The following ZNF793 variants were observed in gnomAD, a reference collection of about 807,000 sequenced individuals.
The protein encoded by ZNF793 is zinc finger protein 793.
A neutral mutation model predicts 12.4 loss-of-function variants in ZNF793; 5 were observed. The ratio of observed to expected loss-of-function variants is 0.40; its 90% CI spans 0.21 to 0.84. The LOEUF (loss-of-function observed/expected upper bound fraction) is 0.84, where lower values mean the gene tolerates loss of function less well. ZNF793 is among the 40% of genes least tolerant of loss of function. The pLI, the probability that ZNF793 is intolerant of heterozygous loss-of-function variation, is 0.35. For missense variants in ZNF793, 456 were observed against 495.0 expected (o/e 0.92, Z 0.75); for synonymous variants, 162 against 172.4 (o/e 0.94, Z 0.47).
chr19:37,520,755 G>A (rs767328786), intron 3 of ZNF793, among the ~76,000 whole-genome samples: 49 of 152,074 alleles, frequency 3.2e-4, no homozygotes, highest in Non-Finnish European at 6.8e-4. Flanking sequence ...TTGCTCTCCC[G>A]TCATTTTTGG....
chr19:37,531,368 T>C lies in ZNF793; in HGVS notation c.16-988T>C, dbSNP rs143592461. 7.4e-3 allele frequency: 1,136 copies of C among 153,052 alleles called. 17 individuals are homozygous for C. Among genetic ancestry groups the C allele is most frequent in the African/African-American group, 0.026 (1,100 of 41,556 alleles). The allele number at this position is 153,052 out of a possible 1,614,324, so 9.5% of individuals were successfully genotyped here. ...TTTTAGTAGAGACGGGGTTTCACCA[T>C]GTTGGCCAGGCTGGTCTCGAATACC... On this transcript the variant is annotated intron_variant, in intron 5 of 7. Coordinates refer to ENST00000627814, the MANE Select transcript of ZNF793 (RefSeq NM_001013659.3).
At position 37,538,121 on chromosome 19, in the gene ZNF793, T is replaced by G; in HGVS notation, c.*242T>G. ...TAGTAGAGACGGGGTTTCACCGTGT[T>G]AGCCAGGATGGTCTCGATCTCCTGA... is the stretch of plus-strand genomic sequence containing the variant. On this transcript the variant is annotated 3_prime_UTR_variant, in exon 8 of 8. Coordinates refer to ENST00000627814, the MANE Select transcript of ZNF793 (RefSeq NM_001013659.3). The G allele has an allele frequency of 2.6e-6, 1 of 385,730 alleles. No homozygotes were observed. Among genetic ancestry groups the G allele is most frequent in the East Asian group, 5.2e-5 (1 of 19,254 alleles). 23.9% of individuals were successfully genotyped at this position (385,730 alleles called of 1,614,324 possible). A position where few individuals can be genotyped will look rare whatever the true frequency, so the allele number is the denominator to read the frequency against.
Position 37,536,586 on chromosome 19 carries a change from A to G in ZNF793, c.239-311A>G, listed in dbSNP as rs1354837586. ...TTTTCATGGTATGGCGGGAGAGTTGAGTCATTGTGACGGAGACCATATGGC... is the reference window on the plus strand; with the variant it reads ...TTTTCATGGTATGGCGGGAGAGTTGGGTCATTGTGACGGAGACCATATGGC... On this transcript the variant is annotated intron_variant, in intron 7 of 7. Coordinates refer to ENST00000627814, the MANE Select transcript of ZNF793 (RefSeq NM_001013659.3). 7.3e-6 allele frequency: 3 copies of G among 408,866 alleles called. No individual in the cohort carries two copies. The East Asian group carries it at 1.0e-4, about 14-fold the overall frequency. 25.3% of individuals were successfully genotyped at this position (408,866 alleles called of 1,614,324 possible). A position where few individuals can be genotyped will look rare whatever the true frequency, so the allele number is the denominator to read the frequency against.
rs1318377994 is a variant in ZNF793, at chr19:37,541,028, T to C, written c.*3149T>C. ...ACCAGAAGATAACATGAAGCCATTCTAATGAAATTAATATTGTATTGGCAA... is the reference window on the plus strand; with the variant it reads ...ACCAGAAGATAACATGAAGCCATTCCAATGAAATTAATATTGTATTGGCAA... On this transcript the variant is annotated 3_prime_UTR_variant, in exon 8 of 8. Transcript: ENST00000627814. 1 of 152,090 alleles carries C rather than the reference T, an allele frequency of 6.6e-6. No individual in the cohort carries two copies. The allele number at this position is 152,090 out of a possible 1,614,324, so 9.4% of individuals were successfully genotyped here.
intron 4 of ZNF793, 118 bp from the exon 5 acceptor site, chr19:37,523,292 C>A: frequency 1.2e-6 from 1 of 805,750 alleles, no homozygotes; most frequent in South Asian, 1.7e-5. Context: ...CAGCTAAAAG[C>A]ATGGATTTTT....
In ZNF793 at chr19:37,538,149, T is replaced by TCA. The variant is rs2042525441; in HGVS notation, c.*270_*271insCA. ...CCAGGATGGTCTCGATCTCCTGACC[T>TCA]TGTGATCTGCCCGCCTTGTCCTCCC... On this transcript the variant is annotated 3_prime_UTR_variant, in exon 8 of 8. Coordinates refer to ENST00000627814, the MANE Select transcript of ZNF793 (RefSeq NM_001013659.3). 3.1e-6 allele frequency: 1 copy of TCA among 321,358 alleles called. No individual in the cohort carries two copies. Among genetic ancestry groups the TCA allele is most frequent in the Admixed American group, 4.6e-5 (1 of 21,528 alleles). The allele number at this position is 321,358 out of a possible 1,614,324, so 19.9% of individuals were successfully genotyped here. A position where few individuals can be genotyped will look rare whatever the true frequency, so the allele number is the denominator to read the frequency against.
At chr19:37,533,225 A>G in intron 6 of ZNF793, 83 bp from the exon 7 acceptor site, 1 of 1,129,158 alleles carries the variant, frequency 8.9e-7, no homozygotes, top group Non-Finnish European at 1.3e-6. Context: ...TATAACATCT[A>G]TTGTGCAGCC....
Position 37,537,754 on chromosome 19 carries a change from C to G in ZNF793, c.1096C>G (p.Pro366Ala). The part of the protein sequence containing the change: ...KHWRTHTGEK[P>A]YGCNECGKAF... ...TTGGAGAACTCACACAGGAGAGAAG[C>G]CCTATGGGTGCAATGAATGTGGGAA... is the stretch of plus-strand genomic sequence containing the variant. The change falls in exon 8 of 8, where the codon CCC (proline) becomes GCC (alanine). Residue 366 changes from proline to alanine, a missense_variant. Pro to Ala is a conservative substitution (Grantham distance 27). Coordinates refer to ENST00000627814, the MANE Select transcript of ZNF793 (RefSeq NM_001013659.3). 2.5e-6 allele frequency: 4 copies of G among 1,614,070 alleles called. No homozygotes were observed. The highest frequency in any genetic ancestry group is 2.2e-5 in the East Asian group (1 of 44,882).
rs955201296 is a variant in ZNF793, at chr19:37,532,850, G to A, written c.142+368G>A. 2.6e-5 allele frequency among the ~76,000 whole-genome samples: 4 copies of A among 152,174 alleles called. No individual in the cohort carries two copies. The East Asian group carries it at 7.7e-4, about 29-fold the overall frequency. Reference sequence around the variant, plus strand: ...AAAAAATAAAAAAAAAGCAACGGAAGTACTCTAGAACTTCTGAAATATTTA... The same window carrying A: ...AAAAAATAAAAAAAAAGCAACGGAAATACTCTAGAACTTCTGAAATATTTA... On this transcript the variant is annotated intron_variant, in intron 6 of 7. Transcript: ENST00000627814.
chr19:37,523,624 T>C (rs1331130329), intron 5 of ZNF793, among the ~76,000 whole-genome samples, 170 bp downstream of exon 5: 1 of 152,106 alleles, frequency 6.6e-6, no homozygotes, highest in African/African-American at 2.4e-5. Context: ...GGCAGGCTCT[T>C]AGAACACCTG....
In ZNF793 at chr19:37,525,405, T is replaced by C. The variant is rs547338394; in HGVS notation, c.15+1951T>C. Among the ~76,000 whole-genome samples the C allele has an allele frequency of 5.8e-3, 868 of 150,764 alleles. 8 individuals carry two copies. Among genetic ancestry groups the C allele is most frequent in the African/African-American group, 0.02 (811 of 40,996 alleles). On this transcript the variant is annotated intron_variant, in intron 5 of 7. Transcript: ENST00000627814. Reference sequence around the variant, plus strand: ...CTCCCGCCTCGGCCTCCCAAAGTGCTGGGATTACAGGCGTGAGCCACCGTG... The same window carrying C: ...CTCCCGCCTCGGCCTCCCAAAGTGCCGGGATTACAGGCGTGAGCCACCGTG...
rs200673476 is a variant in ZNF793, at chr19:37,537,729, T to C, written c.1071T>C (p.His357=). The change falls in exon 8 of 8, where the codon CAT becomes CAC. Residue 357 remains histidine, a synonymous_variant. Coordinates refer to ENST00000627814, the MANE Select transcript of ZNF793 (RefSeq NM_001013659.3). ...SFSQKSCLNK[H]WRTHTGEKPY... is the part of the protein sequence containing the mutation. ...GCCAGAAGTCATGCCTCAATAAACA[T>C]TGGAGAACTCACACAGGAGAGAAGC... The C allele has an allele frequency of 7.4e-6, 12 of 1,613,952 alleles. No homozygotes were observed. The highest frequency in any genetic ancestry group is 1.6e-4 in the Middle Eastern group (1 of 6,062).
chr19:37,529,818 G>A (rs1027240453), intron 5 of ZNF793, among the ~76,000 whole-genome samples: 2 of 152,148 alleles, frequency 1.3e-5, no homozygotes, highest in Non-Finnish European at 2.9e-5. Flanking sequence ...ATGAAGGGGT[G>A]GGTTGCCCCT....
chr19:37,507,080 T>C (rs1236739779), intron 1 of ZNF793, 114 bp downstream of exon 1: 2 of 152,346 alleles, frequency 1.3e-5, no homozygotes, highest in African/African-American at 2.4e-5. Context: ...GATAGTGAGC[T>C]GCCGACTACG....
rs1242952982 is a variant in ZNF793, at chr19:37,542,065, AAAAC to A, written c.*4189_*4192del. ...CTGCTGGTGGAGAAATAAATTTTGAAAAACAATGCAAATTACTGTTTTGGAAAGA... is the reference window on the plus strand; with the variant it reads ...CTGCTGGTGGAGAAATAAATTTTGAAAATGCAAATTACTGTTTTGGAAAGA... On this transcript the variant is annotated 3_prime_UTR_variant, in exon 8 of 8. Transcript: ENST00000627814. The A allele has an allele frequency of 2.0e-5, 3 of 153,626 alleles. No homozygotes were observed. The highest frequency in any genetic ancestry group is 7.2e-5 in the African/African-American group (3 of 41,454). The allele number at this position is 153,626 out of a possible 1,614,324, so 9.5% of individuals were successfully genotyped here.
In ZNF793 at chr19:37,523,467, T is replaced by C; in HGVS notation, c.15+13T>C. 6.2e-7 allele frequency: 1 copy of C among 1,613,300 alleles called. No homozygotes were observed. Among genetic ancestry groups the C allele is most frequent in the South Asian group, 1.1e-5 (1 of 91,056 alleles). On this transcript the variant is annotated intron_variant, in intron 5 of 7. Transcript: ENST00000627814. The stretch of plus-strand genomic sequence containing the variant: ...GATCGAATACCAGGTAAGTATCACA[T>C]TAAGTAGCCCAGTTTTCCTTCCTGG...
chr19:37,508,876 G>A (rs1458033188), intron 2 of ZNF793, among the ~76,000 whole-genome samples: 1 of 152,072 alleles, frequency 6.6e-6, no homozygotes, highest in African/African-American at 2.4e-5. Flanking sequence ...GAAACTTTTT[G>A]CCTTGTCCTA....
At chr19:37,515,165 A>T (rs2042321169) in intron 2 of ZNF793, among the ~76,000 whole-genome samples, 1 of 152,200 alleles carries the variant, frequency 6.6e-6, no homozygotes, top group Non-Finnish European at 1.5e-5. Context: ...ACAAGACAAG[A>T]AAAAACTGTA....
intron 2 of ZNF793, among the ~76,000 whole-genome samples, chr19:37,516,802 C>T (rs1323830320): frequency 2.0e-5 from 3 of 152,116 alleles, no homozygotes; most frequent in African/African-American, 7.2e-5. Flanking sequence ...GTGACCACCA[C>T]ACCCAGCTAA....
Sources: gnomAD v4.1 joint callset for allele counts (sites outside exome capture counted in the v4.1 genomes callset) on GRCh38, gnomAD v4.1.1 for gene constraint, MANE v1.5 for transcripts, NCBI Gene and HGNC (gene_info 2026-07-23, HGNC 2026-07-21) for gene names.